CPVL: variants seen among roughly 807,000 people sequenced by gnomAD.
The protein encoded by CPVL is probable serine carboxypeptidase CPVL.
A neutral mutation model predicts 63.7 loss-of-function variants in CPVL; 51 were observed. The ratio of observed to expected loss-of-function variants is 0.80; its 90% CI spans 0.64 to 1.01. The LOEUF (loss-of-function observed/expected upper bound fraction) is 1.01, where lower values mean the gene tolerates loss of function less well. Ranked by LOEUF, CPVL falls within the 50% of genes least tolerant of loss-of-function variation. The probability of loss-of-function intolerance (pLI) is 0.00; values close to 1 mark genes in which losing one functional copy is unlikely to be tolerated. For missense variants in CPVL, 530 were observed against 573.1 expected (o/e 0.92, Z 0.77); for synonymous variants, 195 against 206.0 (o/e 0.95, Z 0.46).
intron 5 of CPVL, among the ~76,000 whole-genome samples, chr7:29,169,880 G>GTGTGTATA (rs148266761): frequency 1.3e-4 from 20 of 150,040 alleles, no homozygotes; most frequent in Middle Eastern, 3.4e-3. Flanking sequence ...GTGTGTGTGT[G>GTGTGTATA]TATATATATA....
intron 12 of CPVL, among the ~76,000 whole-genome samples, chr7:29,002,815 G>A (rs974356205): frequency 1.3e-5 from 2 of 148,248 alleles, no homozygotes; most frequent in African/African-American, 5.0e-5. Flanking sequence ...TGGAAGTTAG[G>A]TCAGTAGAGG....
chr7:29,141,778 G>C (rs1301265228), intron 1 of CPVL, among the ~76,000 whole-genome samples: 3 of 151,844 alleles, frequency 2.0e-5, no homozygotes, highest in African/African-American at 7.3e-5. Context: ...AGCCAGGCGT[G>C]GGGGTACACG....
chr7:29,079,990 T>C (rs772666123), intron 7 of CPVL, among the ~76,000 whole-genome samples: 96 of 151,698 alleles, frequency 6.3e-4, no homozygotes, highest in South Asian at 1.3e-3. Context: ...CATGGAGAAA[T>C]AGAAGCTGTG....
chr7:29,120,096 A>C (rs989445708), intron 2 of CPVL, among the ~76,000 whole-genome samples: 3 of 152,212 alleles, frequency 2.0e-5, no homozygotes, highest in African/African-American at 7.2e-5. Flanking sequence ...TTTTAGCTAA[A>C]AACTCAGACA....
At chr7:29,002,108 C>T (rs549135254) in intron 12 of CPVL, among the ~76,000 whole-genome samples, 1 of 152,126 alleles carries the variant, frequency 6.6e-6, no homozygotes, top group African/African-American at 2.4e-5. Context: ...CTGACCAAGA[C>T]GCCAAGTCAA....
At chr7:29,112,662 G>T in intron 3 of CPVL, 42 bp downstream of exon 3, 1 of 1,332,118 alleles carries the variant, frequency 7.5e-7, no homozygotes, top group South Asian at 1.2e-5. Flanking sequence ...CAAACGGCAA[G>T]CCAGGTCTTG....
At chr7:29,176,068 C>T (rs1049720919) in intron 5 of CPVL, among the ~76,000 whole-genome samples, 5 of 151,952 alleles carry the variant, frequency 3.3e-5, no homozygotes, top group Non-Finnish European at 5.9e-5. Context: ...CGCCTGTAGT[C>T]CCAGCTACTC....
At chr7:29,018,378 C>CTTTTTTT (rs70977092) in intron 12 of CPVL, among the ~76,000 whole-genome samples, 1 of 124,012 alleles carries the variant, frequency 8.1e-6, no homozygotes, top group African/African-American at 3.1e-5. Context: ...AATTTTTAAT[C>CTTTTTTT]TTTTTTTTTT....
chr7:29,039,674 A>G (rs1387401147), intron 11 of CPVL, among the ~76,000 whole-genome samples: 4 of 151,962 alleles, frequency 2.6e-5, no homozygotes, highest in Non-Finnish European at 5.9e-5. Context: ...AAAAAAAAAA[A>G]GCACACATGT....
chr7:29,037,494 A>G (rs1788647383), intron 11 of CPVL, among the ~76,000 whole-genome samples: 1 of 140,918 alleles, frequency 7.1e-6, no homozygotes, highest in South Asian at 2.4e-4. Context: ...CGGAGCTTGC[A>G]GTGAGCTGCG....
intron 11 of CPVL, among the ~76,000 whole-genome samples, chr7:29,061,583 T>C (rs897292402): frequency 2.0e-5 from 3 of 152,166 alleles, no homozygotes; most frequent in African/African-American, 7.2e-5. Context: ...GGAGAGTTTA[T>C]GTCATCAGGT....
At position 29,146,426 on chromosome 7, in the gene CPVL, T is replaced by TAG; in HGVS notation, c.-11+2_-11+3insCT. 2.6e-6 allele frequency: 3 copies of TAG among 1,149,834 alleles called. No homozygotes were observed. Among genetic ancestry groups the TAG allele is most frequent in the African/African-American group, 1.6e-5 (1 of 64,100 alleles). The allele number at this position is 1,149,834 out of a possible 1,614,324, so 71.2% of individuals were successfully genotyped here. A position where few individuals can be genotyped will look rare whatever the true frequency, so the allele number is the denominator to read the frequency against. ...CGACCCACGCAGGGCAGGCGGCACT[T>TAG]ACGCGGCGCAGTCGGTGCTCCTCCC... On this transcript the variant is annotated splice_region_variant and intron_variant, in intron 1 of 12. Coordinates refer to ENST00000265394, the MANE Select transcript of CPVL (RefSeq NM_031311.5).
At chr7:29,150,085 A>G (rs907079844), upstream of CPVL, among the ~76,000 whole-genome samples, 2 of 152,208 alleles carry the variant, frequency 1.3e-5, no homozygotes, top group African/African-American at 4.8e-5. Flanking sequence ...CCTGAAAACA[A>G]GATTTAAAAC....
chr7:29,157,682 C>T (rs969685376), intron 5 of CPVL, among the ~76,000 whole-genome samples: 2 of 152,224 alleles, frequency 1.3e-5, no homozygotes, highest in Non-Finnish European at 2.9e-5. Context: ...TCCTACTCCC[C>T]TTCACCAGTG....
At chr7:29,052,223 T>G (rs1024777132) in intron 11 of CPVL, among the ~76,000 whole-genome samples, 2 of 151,044 alleles carry the variant, frequency 1.3e-5, no homozygotes, top group African/African-American at 4.9e-5. Flanking sequence ...CACCAAAATC[T>G]CACAAATCAC....
At chr7:29,164,973 A>T (rs930648157) in intron 5 of CPVL, among the ~76,000 whole-genome samples, 31 of 152,024 alleles carry the variant, frequency 2.0e-4, no homozygotes, top group African/African-American at 7.5e-4. Flanking sequence ...CCTAAATATA[A>T]ACTCAAGTGT....
intron 3 of CPVL, among the ~76,000 whole-genome samples, chr7:29,096,705 T>C (rs1786435487): frequency 6.6e-6 from 1 of 152,126 alleles, no homozygotes; most frequent in African/African-American, 2.4e-5. Flanking sequence ...TGTTCACAGC[T>C]GGTCGCGGTG....
intron 1 of CPVL, among the ~76,000 whole-genome samples, chr7:29,123,608 AAAAAAAAAAAAAAAAAAAAAATAT>A (rs1333408132): frequency 1.4e-4 from 13 of 89,984 alleles, no homozygotes; most frequent in African/African-American, 5.0e-4. Context: ...AAAAAAAAAA[AAAAAAAAAAAAAAAAAAAAAATAT>A]ATATATATAT....
chr7:29,147,948 C>T (rs1241781827), upstream of CPVL, among the ~76,000 whole-genome samples: 2 of 152,160 alleles, frequency 1.3e-5, no homozygotes, highest in Non-Finnish European at 2.9e-5. Flanking sequence ...CAGGGAGAGG[C>T]GATTTCCAGT....
Sources: gnomAD v4.1 joint callset for allele counts (sites outside exome capture counted in the v4.1 genomes callset) on GRCh38, gnomAD v4.1.1 for gene constraint, MANE v1.5 for transcripts, NCBI Gene and HGNC (gene_info 2026-07-23, HGNC 2026-07-21) for gene names.